SPATA6L: variants seen among roughly 807,000 people sequenced by gnomAD.
SPATA6L encodes spermatogenesis associated 6-like protein.
A neutral mutation model predicts 49.2 loss-of-function variants in SPATA6L; 68 were observed. The observed-to-expected ratio is 1.38, with a 90% CI of 1.14 to 1.69. The LOEUF is 1.69. Among genes scored for constraint, SPATA6L ranks in the 40% most tolerant of loss-of-function variants. SPATA6L has a pLI of 0.00. For synonymous variants in SPATA6L, 198 were observed against 165.7 expected, an observed-to-expected ratio of 1.19 and a Z score of -1.50; for missense variants, 668 against 464.3, an observed-to-expected ratio of 1.44 and a Z score of -4.03.
At chr9:4,646,405 A>T in intron 3 of SPATA6L, 1 of 876,340 alleles carries the variant, frequency 1.1e-6, no homozygotes, top group South Asian at 2.0e-5. Context: ...ACAACTCTTA[A>T]GTACAGTCCC....
chr9:4,644,206 A>C (rs1171589822), intron 3 of SPATA6L, among the ~76,000 whole-genome samples: 1 of 139,786 alleles, frequency 7.2e-6, no homozygotes, highest in Admixed American at 6.9e-5. Context: ...AAAAAAAAAA[A>C]AAAAAAAAAA....
intron 9 of SPATA6L, among the ~76,000 whole-genome samples, chr9:4,608,929 A>T (rs1030705294): frequency 1.3e-5 from 2 of 152,176 alleles, no homozygotes; most frequent in Admixed American, 1.3e-4. Flanking sequence ...AGAGAGAAGA[A>T]TCAAATAGAC....
At chr9:4,613,225 C>CT (rs1372125397) in intron 9 of SPATA6L, among the ~76,000 whole-genome samples, 1 of 147,014 alleles carries the variant, frequency 6.8e-6, no homozygotes, top group African/African-American at 2.6e-5. Flanking sequence ...AAGATTCTAT[C>CT]TCAAAAAAAA....
chr9:4,603,238 T>G (rs1823812584), intron 11 of SPATA6L, among the ~76,000 whole-genome samples: 1 of 152,170 alleles, frequency 6.6e-6, no homozygotes, highest in Non-Finnish European at 1.5e-5. Flanking sequence ...GAGACCAGGC[T>G]GACCAACATG....
intron 7 of SPATA6L, among the ~76,000 whole-genome samples, chr9:4,622,137 G>A (rs1011534125): frequency 2.0e-5 from 3 of 152,122 alleles, no homozygotes; most frequent in Admixed American, 1.3e-4. Flanking sequence ...CTGCTTCCCC[G>A]GAACAGCCAG....
At chr9:4,602,308 C>G (rs139570150) in intron 11 of SPATA6L, among the ~76,000 whole-genome samples, 1 of 152,070 alleles carries the variant, frequency 6.6e-6, no homozygotes, top group African/African-American at 2.4e-5. Context: ...AAATAATTGC[C>G]TAGACGGCAA....
At chr9:4,638,274 C>T (rs771055359) in intron 3 of SPATA6L, among the ~76,000 whole-genome samples, 1 of 152,090 alleles carries the variant, frequency 6.6e-6, no homozygotes, top group Non-Finnish European at 1.5e-5. Flanking sequence ...TGCAGTGGCA[C>T]AGTTTTGGCT....
At chr9:4,605,153 C>G (rs1824426968) in intron 10 of SPATA6L, among the ~76,000 whole-genome samples, 194 bp downstream of exon 10, 1 of 152,132 alleles carries the variant, frequency 6.6e-6, no homozygotes. Flanking sequence ...AGGAAGCCAG[C>G]CCTGACTCCC....
chr9:4,646,942 G>A (rs1213660810), intron 3 of SPATA6L, among the ~76,000 whole-genome samples: 1 of 152,052 alleles, frequency 6.6e-6, no homozygotes, highest in Non-Finnish European at 1.5e-5. Flanking sequence ...GGAGAAGAGA[G>A]AGGATCAGAA....
downstream of SPATA6L, among the ~76,000 whole-genome samples, chr9:4,594,085 C>A (rs1233936410): frequency 2.0e-5 from 3 of 152,226 alleles, no homozygotes; most frequent in Non-Finnish European, 2.9e-5. Context: ...CAGATCCCCA[C>A]CTCCAACTTC....
At chr9:4,640,547 C>A (rs1192161364) in intron 3 of SPATA6L, among the ~76,000 whole-genome samples, 4 of 151,838 alleles carry the variant, frequency 2.6e-5, no homozygotes, top group Non-Finnish European at 2.9e-5. Flanking sequence ...CCCCACAGTG[C>A]AGTCCACAGG....
intron 2 of SPATA6L, among the ~76,000 whole-genome samples, chr9:4,658,065 G>C (rs548414145): frequency 6.6e-6 from 1 of 152,262 alleles, no homozygotes; most frequent in Non-Finnish European, 1.5e-5. Flanking sequence ...CCTGGAATAG[G>C]TCCTTCCCTA....
intron 11 of SPATA6L, among the ~76,000 whole-genome samples, chr9:4,601,063 A>T (rs1402483080): frequency 6.6e-6 from 1 of 152,180 alleles, no homozygotes; most frequent in Non-Finnish European, 1.5e-5. Flanking sequence ...TCTACCTCTT[A>T]CTATTATAGT....
At chr9:4,643,797 G>T (rs1008888431) in intron 3 of SPATA6L, among the ~76,000 whole-genome samples, 2 of 152,180 alleles carry the variant, frequency 1.3e-5, no homozygotes, top group African/African-American at 4.8e-5. Flanking sequence ...CTGAGGTCAG[G>T]AGTTCGACAC....
At chr9:4,658,828 C>A (rs1317639624) in intron 2 of SPATA6L, among the ~76,000 whole-genome samples, 2 of 151,692 alleles carry the variant, frequency 1.3e-5, no homozygotes, top group Non-Finnish European at 2.9e-5. Context: ...CCTGTCTCTA[C>A]TAAAACTACA....
At chr9:4,619,163 T>C (rs1180977240) in intron 7 of SPATA6L, among the ~76,000 whole-genome samples, 1 of 147,068 alleles carries the variant, frequency 6.8e-6, no homozygotes, top group Non-Finnish European at 1.5e-5. Context: ...CTCTTTTTTT[T>C]TTTTTTTTTT....
chr9:4,649,884 A>ATT (rs908540278), intron 3 of SPATA6L, among the ~76,000 whole-genome samples: 1 of 152,000 alleles, frequency 6.6e-6, no homozygotes, highest in Non-Finnish European at 1.5e-5. Flanking sequence ...GAAATGCTGA[A>ATT]TTTTTTTTCT....
At chr9:4,623,182 A>T (rs1564191063) in intron 6 of SPATA6L, among the ~76,000 whole-genome samples, 1 of 152,210 alleles carries the variant, frequency 6.6e-6, no homozygotes, top group Non-Finnish European at 1.5e-5. Flanking sequence ...CTGGAGGCTG[A>T]GGCAGGAGAA....
chr9:4,660,074 A>T (rs1196567171), intron 2 of SPATA6L, among the ~76,000 whole-genome samples: 4 of 152,244 alleles, frequency 2.6e-5, no homozygotes, highest in Non-Finnish European at 5.9e-5. Context: ...AACCATAAAA[A>T]CCCTAGAAGA....
Sources: gnomAD v4.1 joint callset for allele counts (sites outside exome capture counted in the v4.1 genomes callset) on GRCh38, gnomAD v4.1.1 for gene constraint, MANE v1.5 for transcripts, NCBI Gene and HGNC (gene_info 2026-07-23, HGNC 2026-07-21) for gene names.